The following BCAS3 variants were observed in gnomAD, a reference collection of about 807,000 sequenced individuals.
The protein encoded by BCAS3 is BCAS4/BCAS3 fusion.
A neutral mutation model predicts 116.1 loss-of-function variants in BCAS3; 53 were observed. The observed-to-expected ratio is 0.46, with a 90% CI of 0.37 to 0.57. The LOEUF (loss-of-function observed/expected upper bound fraction) is 0.57, where lower values mean the gene tolerates loss of function less well. BCAS3 is among the 20% of genes least tolerant of loss of function. The probability of loss-of-function intolerance (pLI) is 0.00; values close to 1 mark genes in which losing one functional copy is unlikely to be tolerated. For missense variants in BCAS3, 917 were observed against 1,165.4 expected, an observed-to-expected ratio of 0.79 and a Z score of 3.10; for synonymous variants, 391 against 408.2, an observed-to-expected ratio of 0.96 and a Z score of 0.51.
At position 61,015,839 on chromosome 17, in the gene BCAS3, A is replaced by G. The variant is rs1220323245; in HGVS notation, c.1575A>G (p.Val525=). 7.4e-6 allele frequency: 12 copies of G among 1,613,992 alleles called. No individual in the cohort carries two copies. The highest frequency in any genetic ancestry group is 5.3e-5 in the African/African-American group (4 of 74,926). Residue 525 remains valine (V), a synonymous_variant, in exon 16 of 24, where the codon GTA becomes GTG. Coordinates refer to ENST00000407086, the MANE Select transcript of BCAS3 (RefSeq NM_017679.5). ...TCTCTCCTCTTCCCAGCTTGATGGT[A>G]GTGATGCCTCTTGCACAAATCAAGC... ...PRLSPLPSLM[V]VMPLAQIKQP... is the part of the protein sequence containing the mutation.
At chr17:60,792,411 A>G (rs963384429) in intron 6 of BCAS3, among the ~76,000 whole-genome samples, 8 of 151,970 alleles carry the variant, frequency 5.3e-5, no homozygotes, top group African/African-American at 1.9e-4. Context: ...ATGCCTCACC[A>G]CTCTGCTTGC....
At chr17:61,238,201 C>G (rs1416920319) in intron 22 of BCAS3, among the ~76,000 whole-genome samples, 2 of 147,950 alleles carry the variant, frequency 1.4e-5, no homozygotes, top group Non-Finnish European at 3.0e-5. Flanking sequence ...TACAGGCACC[C>G]GCCACCACAC....
intron 22 of BCAS3, among the ~76,000 whole-genome samples, chr17:61,299,464 AAAG>A (rs2053255783): frequency 6.9e-6 from 1 of 144,270 alleles, no homozygotes; most frequent in African/African-American, 2.6e-5. Context: ...AAAAAAAAAA[AAAG>A]AAAAGAAAAA....
intron 7 of BCAS3, among the ~76,000 whole-genome samples, chr17:60,830,969 TCAAA>T (rs770709875): frequency 4.6e-5 from 7 of 151,992 alleles, no homozygotes; most frequent in Non-Finnish European, 7.4e-5. Flanking sequence ...ACCCTCGGGC[TCAAA>T]CAGTTCTCCC....
rs1156727144 is a variant in BCAS3 at position 61,337,084 on chromosome 17, G to T, written c.2426-31243G>T. 6.6e-6 allele frequency among the ~76,000 whole-genome samples: 1 copy of T among 151,884 alleles called. No homozygotes were observed. The stretch of plus-strand genomic sequence containing the variant: ...GCCAAGATTGCCTCATTGCACTCCA[G>T]CCTGGGTGACAGAGCAAGACTCCAT... On this transcript the variant is annotated intron_variant, in intron 22 of 23. Transcript: ENST00000407086. This position sits in a 1 kb window ranked among gnomAD's most constrained non-coding sequence, Gnocchi z 4.8.
chr17:61,303,458 C>A (rs1433139902), intron 22 of BCAS3, among the ~76,000 whole-genome samples: 1 of 152,134 alleles, frequency 6.6e-6, no homozygotes, highest in Non-Finnish European at 1.5e-5. Flanking sequence ...GAGTACTGAT[C>A]TAGGTTCAGC....
chr17:61,312,912 G>A (rs922332031), intron 22 of BCAS3, among the ~76,000 whole-genome samples: 17 of 152,198 alleles, frequency 1.1e-4, no homozygotes, highest in Non-Finnish European at 8.8e-5. Flanking sequence ...GGGCATAACC[G>A]AAGACTTGCA....
chr17:61,212,953 C>T (rs914679309), intron 22 of BCAS3, among the ~76,000 whole-genome samples: 3 of 152,086 alleles, frequency 2.0e-5, no homozygotes, highest in African/African-American at 7.2e-5. Context: ...TATACTTTAT[C>T]CCTTATTCAG....
At chr17:60,725,731 A>G (rs536597095) in intron 5 of BCAS3, among the ~76,000 whole-genome samples, 1 of 152,330 alleles carries the variant, frequency 6.6e-6, no homozygotes, top group South Asian at 2.1e-4. Context: ...AAACATCAGT[A>G]GTGCTGAGGT....
chr17:60,838,272 T>TAAA (rs1207508633), intron 7 of BCAS3, among the ~76,000 whole-genome samples: 1 of 152,166 alleles, frequency 6.6e-6, no homozygotes, highest in Non-Finnish European at 1.5e-5. Flanking sequence ...GAAAACTTTA[T>TAAA]GGAAATAAAA....
chr17:60,748,320 T>C lies in BCAS3; in HGVS notation c.403+1041T>C, dbSNP rs1210903741. ...CAAGCAACAGTATCTTGCAGTCACA[T>C]GTAGATTTTCTCCCTTGCTATTCAA... On this transcript the variant is annotated intron_variant, in intron 6 of 23. Coordinates refer to ENST00000407086, the MANE Select transcript of BCAS3 (RefSeq NM_017679.5). Among the ~76,000 whole-genome samples the C allele has an allele frequency of 2.6e-5, 4 of 152,172 alleles. No homozygotes were observed. In the East Asian group the frequency reaches 7.7e-4, roughly 29 times the overall value.
intron 22 of BCAS3, among the ~76,000 whole-genome samples, chr17:61,154,264 C>T (rs2077703742): frequency 6.6e-6 from 1 of 152,118 alleles, no homozygotes; most frequent in African/African-American, 2.4e-5. Flanking sequence ...AGATTGTGAA[C>T]TGAGAGTTGG....
rs778156276 is a variant in BCAS3, at chr17:61,020,790, A to C, written c.1637+4889A>C. On this transcript the variant is annotated intron_variant, in intron 16 of 23. Coordinates refer to ENST00000407086, the MANE Select transcript of BCAS3 (RefSeq NM_017679.5). This position sits in a 1 kb window ranked among gnomAD's most constrained non-coding sequence, Gnocchi z 4.5. ...TCAATGAGCTTAATTTTATCTGCTT[A>C]AATCTAAAATTATTTATATTTCCAA... 6.6e-6 allele frequency among the ~76,000 whole-genome samples: 1 copy of C among 152,232 alleles called. No homozygotes were observed. Among genetic ancestry groups the C allele is most frequent in the Non-Finnish European group, 1.5e-5 (1 of 68,040 alleles).
intron 7 of BCAS3, among the ~76,000 whole-genome samples, chr17:60,833,831 C>T (rs189203229): frequency 2.4e-4 from 37 of 152,144 alleles, no homozygotes; most frequent in African/African-American, 8.7e-4. Context: ...CTTCATTTTC[C>T]GCTCAATTCC....
intron 23 of BCAS3, among the ~76,000 whole-genome samples, chr17:61,386,112 A>G (rs2059833578): frequency 1.3e-5 from 2 of 152,220 alleles, no homozygotes. Flanking sequence ...TACATGCATT[A>G]TTTAATTTCA....
chr17:61,135,132 A>G (rs2076552635), intron 22 of BCAS3, among the ~76,000 whole-genome samples: 1 of 152,208 alleles, frequency 6.6e-6, no homozygotes, highest in Non-Finnish European at 1.5e-5. Context: ...TAATGACATG[A>G]TAAGGCCATT....
In BCAS3 at chr17:61,372,225, C is replaced by T. The variant is rs559637818; in HGVS notation, c.2593+3731C>T. On this transcript the variant is annotated intron_variant, in intron 23 of 23. Coordinates refer to ENST00000407086, the MANE Select transcript of BCAS3 (RefSeq NM_017679.5). ...CCCGCCCCCATTCTCAGTTTGCACC[C>T]ATCTTTTGCAGCAAAAGACAGTGCC... 7.2e-4 allele frequency among the ~76,000 whole-genome samples: 110 copies of T among 152,256 alleles called. 1 individual carries two copies. Among genetic ancestry groups the T allele is most frequent in the African/African-American group, 2.6e-3 (106 of 41,550 alleles).
rs1371201315 is a variant in BCAS3 at position 61,379,489 on chromosome 17, G to A, written c.2593+10995G>A. ...CACTGTACCAAGAAGGCCAAGCCAA[G>A]CCCATCCGATTGAACTTAACGGAGA... On this transcript the variant is annotated intron_variant, in intron 23 of 23. Transcript: ENST00000407086. The surrounding 1 kb of genome is among the most constrained non-coding windows in gnomAD (Gnocchi z 5.5). The A allele has an allele frequency of 6.6e-6, 1 of 152,190 alleles. No individual in the cohort carries two copies. Among genetic ancestry groups the A allele is most frequent in the African/African-American group, 2.4e-5 (1 of 41,438 alleles). The allele number at this position is 152,190 out of a possible 1,614,324, so 9.4% of individuals were successfully genotyped here. A position where few individuals can be genotyped will look rare whatever the true frequency, so the allele number is the denominator to read the frequency against.
intron 7 of BCAS3, chr17:60,811,255 G>A (rs2048787440): frequency 2.2e-6 from 2 of 901,854 alleles, no homozygotes; most frequent in Non-Finnish European, 3.5e-6. Flanking sequence ...AGGCCCAGGA[G>A]TAGGAGGCCC....
Sources: gnomAD v4.1 joint callset for allele counts (sites outside exome capture counted in the v4.1 genomes callset) on GRCh38, gnomAD v4.1.1 for gene constraint, Gnocchi (gnomAD v3.1) non-coding constraint, MANE v1.5 for transcripts, NCBI Gene and HGNC (gene_info 2026-07-23, HGNC 2026-07-21) for gene names.